Variants in PPFIA2 observed in about 807,000 individuals in gnomAD.
PPFIA2 encodes liprin-alpha-2.
PPFIA2 carries 46 observed loss-of-function variants against 175.5 expected under a neutral mutation model. The ratio of observed to expected loss-of-function variants is 0.26; its 90% CI spans 0.21 to 0.34. The LOEUF is 0.34. PPFIA2 is among the 10% of genes least tolerant of loss of function. The probability of loss-of-function intolerance (pLI) is 1.00; values close to 1 mark genes in which losing one functional copy is unlikely to be tolerated. For missense variants in PPFIA2, 1,179 were observed against 1,506.1 expected (o/e 0.78, Z 3.60); for synonymous variants, 568 against 511.4 (o/e 1.11, Z -1.49).
At chr12:81,689,258 A>T (rs2074928316) in intron 3 of PPFIA2, among the ~76,000 whole-genome samples, 1 of 152,052 alleles carries the variant, frequency 6.6e-6, no homozygotes, top group African/African-American at 2.4e-5. Context: ...AAAGAAATTC[A>T]CCAAGTTCTA....
chr12:81,573,554 T>C (rs911608167), intron 4 of PPFIA2, among the ~76,000 whole-genome samples: 1 of 151,934 alleles, frequency 6.6e-6, no homozygotes, highest in South Asian at 2.1e-4. Context: ...AGGCAGTCTC[T>C]ATTTCTAGGT....
intron 4 of PPFIA2, among the ~76,000 whole-genome samples, chr12:81,623,516 AAT>A (rs1274520122): frequency 6.6e-6 from 1 of 152,020 alleles, no homozygotes; most frequent in East Asian, 1.9e-4. Flanking sequence ...CTAGTTTACA[AAT>A]ATAAGCAGTT....
chr12:81,534,281 T>C (rs901218618), intron 4 of PPFIA2, among the ~76,000 whole-genome samples: 3 of 151,606 alleles, frequency 2.0e-5, no homozygotes, highest in Non-Finnish European at 3.0e-5. Flanking sequence ...ACTATTACTA[T>C]AGTAAACAAA....
At chr12:81,404,718 A>G (rs539438372) in intron 8 of PPFIA2, among the ~76,000 whole-genome samples, 34 of 152,292 alleles carry the variant, frequency 2.2e-4, no homozygotes, top group Middle Eastern at 3.4e-3. Context: ...CCGGAAATTC[A>G]TCTGATTTAC....
At chr12:81,638,333 T>C (rs183000156) in intron 4 of PPFIA2, among the ~76,000 whole-genome samples, 45 of 152,238 alleles carry the variant, frequency 3.0e-4, no homozygotes, top group Admixed American at 2.6e-3. Context: ...GAATTTGTAC[T>C]TCAAGGTCTT....
At chr12:81,647,785 C>CTATAAAATATATAGTATATATAAT (rs1567708921) in intron 4 of PPFIA2, among the ~76,000 whole-genome samples, 5 of 138,244 alleles carry the variant, frequency 3.6e-5, no homozygotes, top group Non-Finnish European at 7.6e-5. Flanking sequence ...ATATAATATA[C>CTATAAAATATATAGTATATATAAT]ATATAATATA....
At chr12:81,401,198 C>A (rs996499193) in intron 8 of PPFIA2, among the ~76,000 whole-genome samples, 10 of 151,784 alleles carry the variant, frequency 6.6e-5, no homozygotes, top group African/African-American at 2.2e-4. Context: ...AGAATAGGGC[C>A]CATTTCTTAG....
chr12:81,653,889 T>C (rs150853527), intron 4 of PPFIA2, among the ~76,000 whole-genome samples: 5 of 152,200 alleles, frequency 3.3e-5, no homozygotes, highest in Admixed American at 2.0e-4. Flanking sequence ...ATCATTTCAG[T>C]GGCATAGTTT....
chr12:81,757,045 T>C (rs1030889291), intron 2 of PPFIA2, among the ~76,000 whole-genome samples: 1 of 152,186 alleles, frequency 6.6e-6, no homozygotes, highest in Admixed American at 6.5e-5. Context: ...CTTAGTTTCT[T>C]TCATTAGAAT....
intron 4 of PPFIA2, among the ~76,000 whole-genome samples, chr12:81,636,497 C>T (rs1352420756): frequency 6.6e-6 from 1 of 150,780 alleles, no homozygotes; most frequent in Non-Finnish European, 1.5e-5. Context: ...GATCTCCTGA[C>T]CTCGTGATCC....
intron 4 of PPFIA2, among the ~76,000 whole-genome samples, chr12:81,519,211 TACATTGGTCCATTA>T (rs2062818981): frequency 6.6e-6 from 1 of 152,198 alleles, no homozygotes; most frequent in Admixed American, 6.5e-5. Flanking sequence ...AATAAACTCT[TACATTGGTCCATTA>T]AAATAACTAT....
intron 4 of PPFIA2, among the ~76,000 whole-genome samples, chr12:81,479,006 T>C (rs1181758282): frequency 1.3e-5 from 2 of 152,178 alleles, no homozygotes; most frequent in Non-Finnish European, 2.9e-5. Context: ...TATTTAATAT[T>C]GACAGTGGGG....
chr12:81,313,431 C>T (rs912970526), intron 22 of PPFIA2, among the ~76,000 whole-genome samples: 21 of 151,950 alleles, frequency 1.4e-4, no homozygotes, highest in East Asian at 1.9e-4. Context: ...TCAGAGAAAC[C>T]GTGTACTTTT....
At chr12:81,514,488 ACTT>A (rs1332294562) in intron 4 of PPFIA2, among the ~76,000 whole-genome samples, 1 of 151,928 alleles carries the variant, frequency 6.6e-6, no homozygotes, top group Non-Finnish European at 1.5e-5. Context: ...TTATTTTGAC[ACTT>A]CTAAGAGTGC....
At chr12:81,753,663 C>A (rs2084202369) in intron 3 of PPFIA2, among the ~76,000 whole-genome samples, 1 of 152,120 alleles carries the variant, frequency 6.6e-6, no homozygotes, top group African/African-American at 2.4e-5. Flanking sequence ...AAAACTATCT[C>A]CACATTCTGG....
chr12:81,296,154 C>G (rs1370185422), intron 23 of PPFIA2, among the ~76,000 whole-genome samples: 1 of 151,536 alleles, frequency 6.6e-6, no homozygotes, highest in Non-Finnish European at 1.5e-5. Flanking sequence ...AAAACTAAAA[C>G]AAACAAACAA....
intron 22 of PPFIA2, among the ~76,000 whole-genome samples, chr12:81,323,956 A>T (rs1180532288): frequency 6.6e-6 from 1 of 152,046 alleles, no homozygotes; most frequent in Non-Finnish European, 1.5e-5. Context: ...ATCCATTTGA[A>T]CCTAAATACC....
chr12:81,717,466 T>C (rs1476235544), intron 3 of PPFIA2, among the ~76,000 whole-genome samples: 7 of 151,608 alleles, frequency 4.6e-5, no homozygotes, highest in Non-Finnish European at 1.0e-4. Context: ...TCTTTTTAAT[T>C]GAATTGTAAG....
chr12:81,665,665 GA>G (rs1161354903), intron 4 of PPFIA2, among the ~76,000 whole-genome samples: 1 of 151,948 alleles, frequency 6.6e-6, no homozygotes, highest in Admixed American at 6.6e-5. Flanking sequence ...TCATTAAATA[GA>G]ACCATCTTGT....
Sources: gnomAD v4.1 joint callset for allele counts (sites outside exome capture counted in the v4.1 genomes callset) on GRCh38, gnomAD v4.1.1 for gene constraint, MANE v1.5 for transcripts, NCBI Gene and HGNC (gene_info 2026-07-23, HGNC 2026-07-21) for gene names.